Variants in SATB1 observed in about 807,000 individuals in gnomAD.
The protein encoded by SATB1 is DNA-binding protein SATB1.
SATB1 carries 11 observed loss-of-function variants against 86.9 expected under a neutral mutation model. That is an observed-to-expected ratio of 0.13 (90% CI 0.08 to 0.21). The LOEUF is 0.21. Among genes scored for constraint, SATB1 ranks in the 10% least tolerant of loss-of-function variants. The pLI is 1.00. For synonymous variants in SATB1, 357 were observed against 357.2 expected, an observed-to-expected ratio of 1.00 and a Z score of 0.01; for missense variants, 551 against 937.6, an observed-to-expected ratio of 0.59 and a Z score of 5.39.
chr3:18,394,335 A>G lies in SATB1; in HGVS notation c.1206+127T>C. On this transcript the variant is annotated intron_variant, in intron 7 of 10. Transcript: ENST00000338745. This position sits in a 1 kb window ranked among gnomAD's most constrained non-coding sequence, Gnocchi z 5.9. ...ATTGAGGCTCCACCAGGAATAGGTA[A>G]TATGATCACATGAAGAGAGAGAGAA... 1.3e-6 allele frequency: 1 copy of G among 779,912 alleles called. No individual in the cohort carries two copies. The highest frequency in any genetic ancestry group is 2.6e-5 in the East Asian group (1 of 38,494). 48.3% of individuals were successfully genotyped at this position (779,912 alleles called of 1,614,324 possible).
At chr3:18,389,167 T>C (rs1050197452) in intron 7 of SATB1, among the ~76,000 whole-genome samples, 1 of 152,110 alleles carries the variant, frequency 6.6e-6, no homozygotes, top group African/African-American at 2.4e-5. Context: ...CTGAAATATG[T>C]TGATGGTATA....
intron 8 of SATB1, among the ~76,000 whole-genome samples, chr3:18,378,973 T>C (rs1050885775): frequency 3.9e-5 from 6 of 152,212 alleles, no homozygotes; most frequent in African/African-American, 1.4e-4. Flanking sequence ...ATTTCATCTT[T>C]TCCTGGCACC....
chr3:18,360,753 C>T (rs1694869615), intron 9 of SATB1, among the ~76,000 whole-genome samples: 1 of 152,150 alleles, frequency 6.6e-6, no homozygotes, highest in African/African-American at 2.4e-5. Context: ...AGCCCAATGC[C>T]TGCTCCATGG....
intron 7 of SATB1, among the ~76,000 whole-genome samples, chr3:18,387,722 T>C (rs1412057497): frequency 1.3e-5 from 2 of 152,184 alleles, no homozygotes; most frequent in African/African-American, 4.8e-5. Context: ...CAGAATAAAA[T>C]TTTGTCAGGA....
chr3:18,402,203 T>A (rs1697307944), intron 5 of SATB1, among the ~76,000 whole-genome samples: 1 of 152,138 alleles, frequency 6.6e-6, no homozygotes, highest in Non-Finnish European at 1.5e-5. Flanking sequence ...TGGTTTTATT[T>A]TTTTACTTGT....
Position 18,367,584 on chromosome 3 carries a change from CATAA to C in SATB1, c.1575+10582_1575+10585del, listed in dbSNP as rs572648870. Among the ~76,000 whole-genome samples, 3 of 152,152 alleles carry C rather than the reference CATAA, an allele frequency of 2.0e-5. No homozygotes were observed. The South Asian group carries it at 6.2e-4, about 32-fold the overall frequency. On this transcript the variant is annotated intron_variant, in intron 9 of 10. Coordinates refer to ENST00000338745, the MANE Select transcript of SATB1 (RefSeq NM_002971.6). Reference sequence around the variant, plus strand: ...TATTAGATAGGGACCTGGAAGGGTCCATAAATAAATAATTTGTCTTTGAAACGCA... The same window carrying C: ...TATTAGATAGGGACCTGGAAGGGTCCATAAATAATTTGTCTTTGAAACGCA...
At chr3:18,438,518 T>C (rs1180679246) in intron 1 of SATB1, 1 of 152,046 alleles carries the variant, frequency 6.6e-6, no homozygotes, top group Non-Finnish European at 1.5e-5. Flanking sequence ...GTGGCTGGAG[T>C]CCTGATTCTC....
At position 18,424,748 on chromosome 3, in the gene SATB1, A is replaced by AAGAAACCC. The variant is rs1281441141; in HGVS notation, c.-1154_-1147dup. On this transcript the variant is annotated 5_prime_UTR_variant, in exon 1 of 11. Coordinates refer to ENST00000338745, the MANE Select transcript of SATB1 (RefSeq NM_002971.6). Reference sequence around the variant, plus strand: ...CAATGGCACTAGGACTTTGGGGGAAAAGAAACCCAGAAACCCCGACAAAAC... The same window carrying AAGAAACCC: ...CAATGGCACTAGGACTTTGGGGGAAAAGAAACCCAGAAACCCAGAAACCCCGACAAAAC... The AAGAAACCC allele has an allele frequency of 6.6e-6, 1 of 152,268 alleles. No individual in the cohort carries two copies. Among genetic ancestry groups the AAGAAACCC allele is most frequent in the Non-Finnish European group, 1.5e-5 (1 of 68,138 alleles). 9.4% of individuals were successfully genotyped at this position (152,268 alleles called of 1,614,324 possible).
At chr3:18,366,933 C>T (rs1695216678) in intron 9 of SATB1, among the ~76,000 whole-genome samples, 1 of 152,190 alleles carries the variant, frequency 6.6e-6, no homozygotes, top group African/African-American at 2.4e-5. Context: ...GACTAGAACA[C>T]CTGTCAGCAG....
At chr3:18,421,436 A>G (rs1242269217) in intron 1 of SATB1, 1 of 159,240 alleles carries the variant, frequency 6.3e-6, no homozygotes, top group Non-Finnish European at 1.4e-5. Flanking sequence ...TCTAATGTAT[A>G]TGTTTTATAT....
intron 8 of SATB1, among the ~76,000 whole-genome samples, chr3:18,384,733 A>T (rs1696241148): frequency 6.6e-6 from 1 of 152,132 alleles, no homozygotes; most frequent in Admixed American, 6.5e-5. Flanking sequence ...TTTCTCTTTA[A>T]CCATACTTAG....
chr3:18,417,584 A>G (rs2125164289), intron 2 of SATB1: 1 of 650,504 alleles, frequency 1.5e-6, no homozygotes, highest in South Asian at 1.7e-5. Flanking sequence ...CCTTTTTTAG[A>G]TATTAACTCT....
At chr3:18,364,339 T>C (rs1366585143) in intron 9 of SATB1, among the ~76,000 whole-genome samples, 1 of 152,300 alleles carries the variant, frequency 6.6e-6, no homozygotes, top group South Asian at 2.1e-4. Flanking sequence ...TATACTTCTT[T>C]ATTAACACAC....
chr3:18,411,686 C>T (rs921762843), intron 5 of SATB1, among the ~76,000 whole-genome samples: 2 of 151,694 alleles, frequency 1.3e-5, no homozygotes, highest in African/African-American at 4.8e-5. Context: ...CTTATCTAAC[C>T]ACATCCACCG....
At chr3:18,370,282 C>G (rs1695401514) in intron 9 of SATB1, among the ~76,000 whole-genome samples, 1 of 151,916 alleles carries the variant, frequency 6.6e-6, no homozygotes, top group African/African-American at 2.4e-5. Flanking sequence ...GCCGACAGAT[C>G]TAACTGTCTT....
At chr3:18,388,832 T>A (rs1363922752) in intron 7 of SATB1, among the ~76,000 whole-genome samples, 3 of 152,120 alleles carry the variant, frequency 2.0e-5, no homozygotes, top group African/African-American at 7.2e-5. Flanking sequence ...ATTAGGTATT[T>A]AAAAATCCCA....
chr3:18,363,457 G>A (rs556957988), intron 9 of SATB1, among the ~76,000 whole-genome samples: 1 of 152,226 alleles, frequency 6.6e-6, no homozygotes, highest in Non-Finnish European at 1.5e-5. Context: ...ACCAATAAAA[G>A]GAGACAAGGG....
intron 8 of SATB1, among the ~76,000 whole-genome samples, chr3:18,380,649 G>C (rs562144766): frequency 6.6e-6 from 1 of 152,022 alleles, no homozygotes; most frequent in South Asian, 2.1e-4. Flanking sequence ...ATTTAGGAAA[G>C]CTCTTCTTTA....
chr3:18,371,318 T>C (rs1234427153), intron 9 of SATB1, among the ~76,000 whole-genome samples: 1 of 152,200 alleles, frequency 6.6e-6, no homozygotes, highest in Non-Finnish European at 1.5e-5. Context: ...GGTTTACAAC[T>C]TCTATTTTTA....
Sources: gnomAD v4.1 joint callset for allele counts (sites outside exome capture counted in the v4.1 genomes callset) on GRCh38, gnomAD v4.1.1 for gene constraint, Gnocchi (gnomAD v3.1) non-coding constraint, MANE v1.5 for transcripts, NCBI Gene and HGNC (gene_info 2026-07-23, HGNC 2026-07-21) for gene names.